ALPK3: variants seen among roughly 807,000 people sequenced by gnomAD.
ALPK3 encodes the protein alpha kinase 3.
Under a neutral mutation model 140.0 loss-of-function variants are expected in ALPK3, and 102 were observed. The observed-to-expected ratio is 0.73, with a 90% confidence interval of 0.62 to 0.86. The LOEUF (loss-of-function observed/expected upper bound fraction) is 0.86, where lower values mean the gene tolerates loss of function less well. ALPK3 is among the 40% of genes least tolerant of loss of function. ALPK3 has a pLI of 0.00. For missense variants in ALPK3, 2,254 were observed against 2,208.2 expected, an observed-to-expected ratio of 1.02 and a Z score of -0.42; for synonymous variants, 938 against 898.5, an observed-to-expected ratio of 1.04 and a Z score of -0.79.
At chr15:84,817,738 A>G in intron 1 of ALPK3, 143 bp downstream of exon 1, 1 of 1,115,346 alleles carries the variant, frequency 9.0e-7, no homozygotes, top group Non-Finnish European at 1.2e-6. Flanking sequence ...GCCTGGGGAC[A>G]TGGCCGGGCT....
chr15:84,862,508 G>T, intron 9 of ALPK3, 127 bp from the exon 10 acceptor site: 2 of 1,173,966 alleles, frequency 1.7e-6, no homozygotes, highest in Admixed American at 2.4e-5. Context: ...AAGAGCAGGC[G>T]TGGACGGAAA....
chr15:84,861,514 C>T (rs1376619237), intron 9 of ALPK3, among the ~76,000 whole-genome samples: 1 of 152,182 alleles, frequency 6.6e-6, no homozygotes, highest in Non-Finnish European at 1.5e-5. Flanking sequence ...TGTGATCCAT[C>T]CCCTTTTAAA....
In ALPK3 at chr15:84,859,916, C is replaced by T. The variant is rs773431240; in HGVS notation, c.4093+13C>T. Reference sequence around the variant, plus strand: ...CTCAGCCCTGAGGGTGAGTGTGCCCCGCGGCCCGGGGTCTCAGCCTGGCCT... The same window carrying T: ...CTCAGCCCTGAGGGTGAGTGTGCCCTGCGGCCCGGGGTCTCAGCCTGGCCT... On this transcript the variant is annotated intron_variant, in intron 8 of 13. Coordinates refer to ENST00000258888, the MANE Select transcript of ALPK3 (RefSeq NM_020778.5). 7.3e-5 allele frequency: 118 copies of T among 1,613,778 alleles called. No homozygotes were observed. The highest frequency in any genetic ancestry group is 1.6e-4 in the East Asian group (7 of 44,898).
chr15:84,823,271 T>A, intron 1 of ALPK3, 59 bp from the exon 2 acceptor site: 1 of 1,595,862 alleles, frequency 6.3e-7, no homozygotes, highest in South Asian at 1.1e-5. Flanking sequence ...GACTGTTGAT[T>A]TCGCCTACTT....
chr15:84,834,532 T>G (rs1963579138), intron 3 of ALPK3, among the ~76,000 whole-genome samples: 1 of 152,268 alleles, frequency 6.6e-6, no homozygotes, highest in Non-Finnish European at 1.5e-5. Context: ...ATGTTGGCAA[T>G]CATTTGCACA....
At chr15:84,853,764 T>C (rs1433019421) in intron 5 of ALPK3, among the ~76,000 whole-genome samples, 1 of 151,302 alleles carries the variant, frequency 6.6e-6, no homozygotes, top group Non-Finnish European at 1.5e-5. Flanking sequence ...GGCAAGAACC[T>C]GTCTCAAAAA....
chr15:84,834,328 T>C (rs1334696830), intron 3 of ALPK3, among the ~76,000 whole-genome samples: 2 of 152,188 alleles, frequency 1.3e-5, no homozygotes, highest in Non-Finnish European at 2.9e-5. Flanking sequence ...AGAGAGAGAT[T>C]TGAATTCTGG....
intron 5 of ALPK3, among the ~76,000 whole-genome samples, chr15:84,855,517 G>A (rs1426441628): frequency 2.0e-5 from 3 of 152,168 alleles, no homozygotes; most frequent in East Asian, 3.8e-4. Context: ...GAGGAAAAAA[G>A]GGAAATCACT....
chr15:84,847,208 G>A (rs1192944813), intron 5 of ALPK3, among the ~76,000 whole-genome samples: 3 of 116,576 alleles, frequency 2.6e-5, no homozygotes, highest in Non-Finnish European at 3.4e-5. Context: ...GGAGAAACGG[G>A]GAGAGAGAGA....
rs1367938709 is a variant in ALPK3, at chr15:84,847,205, CGGGGAGAG to C, written c.1653+6274_1653+6281del. Reference sequence around the variant, plus strand: ...AGAGAGAGAGGAAGGGAGGGAGAAACGGGGAGAGAGAGAGAGAGAGAGAGAGAGAGAGA... The same window carrying C: ...AGAGAGAGAGGAAGGGAGGGAGAAACAGAGAGAGAGAGAGAGAGAGAGAGA... On this transcript the variant is annotated intron_variant, in intron 5 of 13. Coordinates refer to ENST00000258888, the MANE Select transcript of ALPK3 (RefSeq NM_020778.5). Among the ~76,000 whole-genome samples, 419 of 106,938 alleles carry C rather than the reference CGGGGAGAG, an allele frequency of 3.9e-3. 2 individuals are homozygous for C. Among genetic ancestry groups the C allele is most frequent in the Non-Finnish European group, 4.6e-3 (250 of 54,238 alleles). The allele number at this position is 106,938 out of a possible 152,430, so 70.2% of individuals were successfully genotyped here.
rs914146617 is a variant in ALPK3 at position 84,870,937 on chromosome 15, T to C, written c.*2481T>C. 4.6e-5 allele frequency: 7 copies of C among 152,290 alleles called. No homozygotes were observed. The highest frequency in any genetic ancestry group is 1.7e-4 in the African/African-American group (7 of 41,446). 9.4% of individuals were successfully genotyped at this position (152,290 alleles called of 1,614,324 possible). ...AGGTAACCAAAACCACATTTCTCTC[T>C]GCTTAGGGAATTCAAGATCATATCT... is the stretch of plus-strand genomic sequence containing the variant. On this transcript the variant is annotated 3_prime_UTR_variant, in exon 14 of 14. Coordinates refer to ENST00000258888, the MANE Select transcript of ALPK3 (RefSeq NM_020778.5).
chr15:84,822,361 A>G lies in ALPK3; in HGVS notation c.144-969A>G, dbSNP rs11073740. ...GTGAAGCCAGGTTTTAGGGAAAAGG[A>G]TGGGTTTGGTGTTGTGGTTATAAAG... On this transcript the variant is annotated intron_variant, in intron 1 of 13. Coordinates refer to ENST00000258888, the MANE Select transcript of ALPK3 (RefSeq NM_020778.5). Among the ~76,000 whole-genome samples, 770 of 152,154 alleles carry G rather than the reference A, an allele frequency of 5.1e-3. 5 individuals are homozygous for G. The highest frequency in any genetic ancestry group is 0.014 in the African/African-American group (573 of 41,484).
At chr15:84,839,208 G>A in intron 4 of ALPK3, 111 bp downstream of exon 4, 1 of 898,468 alleles carries the variant, frequency 1.1e-6, no homozygotes. Context: ...GCACTCTCTG[G>A]GGATGGAGGG....
In ALPK3 at chr15:84,871,798, C is replaced by T. The variant is rs1432564608; in HGVS notation, c.*3342C>T. 2.0e-5 allele frequency: 3 copies of T among 152,238 alleles called. No homozygotes were observed. The highest frequency in any genetic ancestry group is 1.3e-4 in the Admixed American group (2 of 15,280). The allele number at this position is 152,238 out of a possible 1,614,324, so 9.4% of individuals were successfully genotyped here. On this transcript the variant is annotated 3_prime_UTR_variant, in exon 14 of 14. Coordinates refer to ENST00000258888, the MANE Select transcript of ALPK3 (RefSeq NM_020778.5). Reference sequence around the variant, plus strand: ...CTGACAAGATGAGTGAATGCCTGCCCATCAACCCGTTACTATTCTTTTAGC... The same window carrying T: ...CTGACAAGATGAGTGAATGCCTGCCTATCAACCCGTTACTATTCTTTTAGC...
chr15:84,833,530 C>A (rs10775243), intron 3 of ALPK3, among the ~76,000 whole-genome samples: 7 of 152,096 alleles, frequency 4.6e-5, no homozygotes, highest in Non-Finnish European at 8.8e-5. Context: ...ACTGGCCTCT[C>A]TGTGAGGCTG....
chr15:84,850,558 G>GC (rs1555435059), intron 5 of ALPK3, among the ~76,000 whole-genome samples: 1 of 145,198 alleles, frequency 6.9e-6, no homozygotes, highest in East Asian at 2.0e-4. Flanking sequence ...TAAATATTTT[G>GC]TTTTTTTTTT....
At chr15:84,837,186 G>T (rs369753113) in intron 3 of ALPK3, among the ~76,000 whole-genome samples, 4 of 152,228 alleles carry the variant, frequency 2.6e-5, no homozygotes, top group Admixed American at 1.3e-4. Context: ...GCAGAGAAAT[G>T]AGAGCAGGGG....
chr15:84,842,446 A>G (rs1963677635), intron 5 of ALPK3, among the ~76,000 whole-genome samples: 1 of 152,326 alleles, frequency 6.6e-6, no homozygotes, highest in South Asian at 2.1e-4. Flanking sequence ...TAGATCGGGA[A>G]TGGCTTCATG....
chr15:84,838,079 G>A (rs569935370), intron 3 of ALPK3, among the ~76,000 whole-genome samples: 87 of 152,302 alleles, frequency 5.7e-4, no homozygotes, highest in African/African-American at 2.0e-3. Flanking sequence ...AAGGGGCTGG[G>A]CAGACACCTC....
Sources: gnomAD v4.1 joint callset for allele counts (sites outside exome capture counted in the v4.1 genomes callset) on GRCh38, gnomAD v4.1.1 for gene constraint, MANE v1.5 for transcripts, NCBI Gene and HGNC (gene_info 2026-07-23, HGNC 2026-07-21) for gene names.